The following PCM1 variants were observed in gnomAD, a reference collection of about 807,000 sequenced individuals.
PCM1 encodes pericentriolar material 1.
Under a neutral mutation model 241.9 loss-of-function variants are expected in PCM1, and 157 were observed. The ratio of observed to expected loss-of-function variants is 0.65; its 90% CI spans 0.57 to 0.74. The LOEUF is 0.74. Ranked by LOEUF, PCM1 falls within the 30% of genes least tolerant of loss-of-function variation. PCM1 has a pLI of 0.00. For missense variants in PCM1, 3,478 were observed against 2,360.1 expected (o/e 1.47, Z -9.81); for synonymous variants, 1,085 against 784.9 (o/e 1.38, Z -6.39).
rs1020830554 is a variant in PCM1, at chr8:17,950,398, C to T, written c.962-217C>T. 3.3e-5 allele frequency among the ~76,000 whole-genome samples: 5 copies of T among 152,192 alleles called. No individual in the cohort carries two copies. In the East Asian group the frequency reaches 9.6e-4, roughly 29 times the overall value. ...GTATGTTGGGACAGGAAAAGATGAA[C>T]CACTTTACCAGAGTTTTGTGAGCAT... On this transcript the variant is annotated intron_variant, in intron 7 of 38. Transcript: ENST00000325083.
intron 9 of PCM1, among the ~76,000 whole-genome samples, chr8:17,954,824 A>C (rs962621982): frequency 2.0e-5 from 3 of 152,248 alleles, no homozygotes; most frequent in African/African-American, 7.2e-5. Context: ...AATTAAATTT[A>C]GTTCAAGGAC....
At chr8:18,019,229 A>G (rs1398616665) in intron 36 of PCM1, among the ~76,000 whole-genome samples, 1 of 152,124 alleles carries the variant, frequency 6.6e-6, no homozygotes, top group African/African-American at 2.4e-5. Context: ...ACAATTCCAT[A>G]GAAATTGTAT....
intron 29 of PCM1, among the ~76,000 whole-genome samples, chr8:18,004,134 C>G (rs2090537712): frequency 6.6e-6 from 1 of 151,778 alleles, no homozygotes; most frequent in African/African-American, 2.4e-5. Flanking sequence ...TTTTTTGTGT[C>G]TGATTTGATG....
chr8:17,969,761 AAC>A lies in PCM1; in HGVS notation c.3584+15_3584+16del. 5 of 1,583,392 alleles carry A rather than the reference AAC, an allele frequency of 3.2e-6. No homozygotes were observed. Among genetic ancestry groups the A allele is most frequent in the Non-Finnish European group, 4.3e-6 (5 of 1,156,320 alleles). On this transcript the variant is annotated intron_variant, in intron 22 of 38. Coordinates refer to ENST00000325083, the MANE Select transcript of PCM1 (RefSeq NM_006197.4). The stretch of plus-strand genomic sequence containing the variant: ...CAGAGAAACCAAGGTACTGATTGTA[AAC>A]AGTCTTTTATTGCTTAAACATTCAC...
At chr8:17,958,371 T>A (rs1330894319) in intron 13 of PCM1, among the ~76,000 whole-genome samples, 1 of 152,282 alleles carries the variant, frequency 6.6e-6, no homozygotes, top group African/African-American at 2.4e-5. Flanking sequence ...TCATAAATTT[T>A]AAAAAGCAGT....
rs776967602 is a variant in PCM1, at chr8:17,947,198, C to G, written c.796C>G (p.Gln266Glu). The G allele has an allele frequency of 6.2e-7, 1 of 1,600,374 alleles. No homozygotes were observed. The highest frequency in any genetic ancestry group is 2.2e-5 in the East Asian group (1 of 44,750). ...FLKKILARDP[Q>E]QEPMEEIENL... ...TCTTATTTTCCAGGCCAGAGATCCT[C>G]AGCAGGAGCCTATGGAAGAGATAGA... The change falls in exon 7 of 39, where the codon CAG becomes GAG. Residue 266 changes from glutamine to glutamate, a missense_variant. Coordinates refer to ENST00000325083, the MANE Select transcript of PCM1 (RefSeq NM_006197.4).
chr8:17,976,747 GA>G (rs1306542827), intron 23 of PCM1, among the ~76,000 whole-genome samples: 3 of 152,166 alleles, frequency 2.0e-5, no homozygotes, highest in African/African-American at 7.2e-5. Flanking sequence ...ATGAGAAAGG[GA>G]AAGAGTGGTG....
intron 27 of PCM1, 91 bp downstream of exon 27, chr8:17,990,070 A>G (rs2129478198): frequency 9.6e-7 from 1 of 1,043,514 alleles, no homozygotes; most frequent in Non-Finnish European, 1.3e-6. Flanking sequence ...AAGTCTAGAA[A>G]GGCGAAGTGT....
chr8:17,924,332 A>G (rs1054991841), intron 1 of PCM1, among the ~76,000 whole-genome samples: 3 of 152,238 alleles, frequency 2.0e-5, no homozygotes, highest in African/African-American at 7.2e-5. Context: ...TAAATGAGCA[A>G]ACATTTTTAA....
chr8:17,990,063 T>A, intron 27 of PCM1, 84 bp downstream of exon 27: 1 of 1,135,892 alleles, frequency 8.8e-7, no homozygotes. Flanking sequence ...AGGAAACAAG[T>A]CTAGAAAGGC....
intron 13 of PCM1, among the ~76,000 whole-genome samples, chr8:17,958,600 A>G (rs2069933637): frequency 1.3e-5 from 2 of 152,190 alleles, no homozygotes; most frequent in African/African-American, 4.8e-5. Context: ...AATCATATAA[A>G]ATGGTTTTTG....
Position 17,941,526 on chromosome 8 carries a change from G to GT in PCM1, c.783+1680dup, listed in dbSNP as rs918120419. Reference sequence around the variant, plus strand: ...TGGAGGGGGATGTGGATTGATTTTTGTTTTTTTTTTTTTTTAAAAAAAAGG... The same window carrying GT: ...TGGAGGGGGATGTGGATTGATTTTTGTTTTTTTTTTTTTTTTAAAAAAAAGG... On this transcript the variant is annotated intron_variant, in intron 6 of 38. Transcript: ENST00000325083. 1.3e-3 allele frequency among the ~76,000 whole-genome samples: 185 copies of GT among 142,478 alleles called. 2 individuals carry two copies. The highest frequency in any genetic ancestry group is 3.3e-3 in the African/African-American group (130 of 39,162). 93.5% of individuals were successfully genotyped at this position (142,478 alleles called of 152,430 possible). A position where few individuals can be genotyped will look rare whatever the true frequency, so the allele number is the denominator to read the frequency against.
At chr8:17,964,912 C>G in intron 18 of PCM1, 144 bp downstream of exon 18, 3 of 629,710 alleles carry the variant, frequency 4.8e-6, no homozygotes, top group Non-Finnish European at 8.3e-6. Flanking sequence ...AGAGTTAGTG[C>G]AGACCCCTCA....
chr8:18,011,091 T>G lies in PCM1; in HGVS notation c.5221-146T>G, dbSNP rs1046914270. On this transcript the variant is annotated intron_variant, in intron 32 of 38. Transcript: ENST00000325083. Reference sequence around the variant, plus strand: ...CAAATGACCTTTTTCCTGACACTTTTTTATTTTAAAAATAAAACTAGACTA... The same window carrying G: ...CAAATGACCTTTTTCCTGACACTTTGTTATTTTAAAAATAAAACTAGACTA... 3 of 551,354 alleles carry G rather than the reference T, an allele frequency of 5.4e-6. No homozygotes were observed. In the Admixed American group the frequency reaches 1.2e-4, roughly 21 times the overall value. 34.2% of individuals were successfully genotyped at this position (551,354 alleles called of 1,614,324 possible).
intron 36 of PCM1, among the ~76,000 whole-genome samples, chr8:18,018,561 C>T (rs2093439532): frequency 6.6e-6 from 1 of 151,958 alleles, no homozygotes; most frequent in South Asian, 2.1e-4. Context: ...ACCTTTAATC[C>T]CAGCACTTTG....
At chr8:17,973,091 G>A (rs1288108571) in intron 23 of PCM1, among the ~76,000 whole-genome samples, 5 of 152,052 alleles carry the variant, frequency 3.3e-5, no homozygotes, top group Admixed American at 6.5e-5. Context: ...TAAATACATT[G>A]CAGTTTTTGA....
chr8:18,016,970 T>C (rs1219459198), intron 36 of PCM1, among the ~76,000 whole-genome samples: 2 of 152,176 alleles, frequency 1.3e-5, no homozygotes, highest in African/African-American at 4.8e-5. Flanking sequence ...TGCTGAGGAA[T>C]GTAGATTTAG....
In PCM1 at chr8:17,991,750, T is replaced by A. The variant is rs1003157034; in HGVS notation, c.4690+50T>A. The A allele has an allele frequency of 2.2e-6, 3 of 1,366,808 alleles. No homozygotes were observed. In the Admixed American group the frequency reaches 6.3e-5, roughly 29 times the overall value. 84.7% of individuals were successfully genotyped at this position (1,366,808 alleles called of 1,614,324 possible). A position where few individuals can be genotyped will look rare whatever the true frequency, so the allele number is the denominator to read the frequency against. On this transcript the variant is annotated intron_variant, in intron 28 of 38. Coordinates refer to ENST00000325083, the MANE Select transcript of PCM1 (RefSeq NM_006197.4). ...TTTTTGGAGAACAGGTGGTGTTTGG[T>A]TACATGAATAAGTTCTTTAGTGGTG...
chr8:17,977,178 AC>A (rs2079063867), intron 23 of PCM1, among the ~76,000 whole-genome samples: 1 of 152,186 alleles, frequency 6.6e-6, no homozygotes. Flanking sequence ...CAATAGTACT[AC>A]CAGTCATGTC....
Sources: allele counts gnomAD v4.1 joint callset (sites outside exome capture counted in the v4.1 genomes callset), GRCh38; gene constraint gnomAD v4.1.1; transcripts MANE v1.5; gene names NCBI Gene and HGNC (gene_info 2026-07-23, HGNC 2026-07-21).